Variants in COL28A1 observed in about 807,000 individuals in gnomAD.
COL28A1 encodes the protein collagen type XXVIII alpha 1 chain.
Under a neutral mutation model 150.2 loss-of-function variants are expected in COL28A1, and 161 were observed. The ratio of observed to expected loss-of-function variants is 1.07; its 90% CI spans 0.94 to 1.22. The LOEUF (loss-of-function observed/expected upper bound fraction) is 1.22, where lower values mean the gene tolerates loss of function less well. Ranked by LOEUF, COL28A1 falls within the 50% of genes most tolerant of loss-of-function variation. COL28A1 has a pLI of 0.00. For missense variants in COL28A1, 1,617 were observed against 1,388.3 expected (o/e 1.16, Z -2.62); for synonymous variants, 552 against 469.7 (o/e 1.18, Z -2.26).
intron 15 of COL28A1, among the ~76,000 whole-genome samples, chr7:7,459,090 C>G (rs545429344): frequency 6.6e-6 from 1 of 152,164 alleles, no homozygotes; most frequent in African/African-American, 2.4e-5. Context: ...ATTGAGGGAA[C>G]AGCAGATAAA....
Position 7,462,715 on chromosome 7 carries a change from C to T in COL28A1, c.1303-6603G>A, listed in dbSNP as rs192315023. Among the ~76,000 whole-genome samples, 51 of 152,088 alleles carry T rather than the reference C, an allele frequency of 3.4e-4. 3 individuals are homozygous for T. In the South Asian group the frequency reaches 8.7e-3, roughly 26 times the overall value. Reference sequence around the variant, plus strand: ...CTCTACTAAAAATACAAAAATTAGCCGGGCGTGGTGGCACATGCCTGTAAT... The same window carrying T: ...CTCTACTAAAAATACAAAAATTAGCTGGGCGTGGTGGCACATGCCTGTAAT... On this transcript the variant is annotated intron_variant, in intron 15 of 34. Transcript: ENST00000399429.
intron 11 of COL28A1, 98 bp downstream of exon 11, chr7:7,505,916 T>C (rs901530189): frequency 5.2e-6 from 4 of 776,014 alleles, no homozygotes; most frequent in Non-Finnish European, 9.3e-6. Context: ...AGGTACTTCC[T>C]CAAAGAATCC....
intron 15 of COL28A1, among the ~76,000 whole-genome samples, chr7:7,459,184 C>T (rs924049585): frequency 6.6e-6 from 1 of 152,206 alleles, no homozygotes; most frequent in African/African-American, 2.4e-5. Context: ...TGCACCATGT[C>T]CCAACACCAC....
At chr7:7,351,732 A>T (rs1049318658), downstream of COL28A1, among the ~76,000 whole-genome samples, 7 of 152,086 alleles carry the variant, frequency 4.6e-5, no homozygotes, top group African/African-American at 1.7e-4. Context: ...TTAAAAATTA[A>T]AAAAACAAAA....
In COL28A1 at chr7:7,373,278, G is replaced by T. The variant is rs200187834; in HGVS notation, c.2628C>A (p.Tyr876Ter). 2 of 1,614,168 alleles carry T rather than the reference G, an allele frequency of 1.2e-6. No homozygotes were observed. Among genetic ancestry groups the T allele is most frequent in the African/African-American group, 1.3e-5 (1 of 75,024 alleles). ...DNMQYLGEGT[Y>*]TATALQAAND... ...TGGCTGCTTGCAGAGCAGTGGCTGTGTATGTGCCTTCCCCCAGATACTGCA... is the reference window on the plus strand; with the variant it reads ...TGGCTGCTTGCAGAGCAGTGGCTGTTTATGTGCCTTCCCCCAGATACTGCA... Residue 876 changes from tyrosine to a stop codon, truncating the protein, a stop_gained, in exon 32 of 35, where the codon TAC becomes TAA. Transcript: ENST00000399429. LOFTEE classifies it high-confidence loss of function. This position sits in a 1 kb window ranked among gnomAD's most constrained non-coding sequence, Gnocchi z 4.1.
intron 27 of COL28A1, among the ~76,000 whole-genome samples, chr7:7,409,410 G>T (rs1482320114): frequency 6.6e-6 from 1 of 151,862 alleles, no homozygotes; most frequent in African/African-American, 2.4e-5. Flanking sequence ...GATATGAGTA[G>T]GTGGGTAGGA....
downstream of COL28A1, among the ~76,000 whole-genome samples, chr7:7,354,412 A>C (rs1193644701): frequency 1.3e-5 from 2 of 152,220 alleles, no homozygotes; most frequent in Admixed American, 6.5e-5. Flanking sequence ...GGCAAGTATC[A>C]AAGTATAGTG....
chr7:7,491,619 G>A (rs1311710671), intron 11 of COL28A1, among the ~76,000 whole-genome samples: 1 of 152,170 alleles, frequency 6.6e-6, no homozygotes, highest in Non-Finnish European at 1.5e-5. Flanking sequence ...TAGAATTCAG[G>A]CATTTTAGAA....
chr7:7,383,178 AATTCATATTTATC>A (rs1781960689), intron 27 of COL28A1, among the ~76,000 whole-genome samples: 1 of 151,880 alleles, frequency 6.6e-6, no homozygotes, highest in African/African-American at 2.4e-5. Flanking sequence ...CTCTATCTGA[AATTCATATTTATC>A]ATTCATATCC....
At chr7:7,523,361 T>C (rs950135640) in intron 4 of COL28A1, among the ~76,000 whole-genome samples, 8 of 151,978 alleles carry the variant, frequency 5.3e-5, no homozygotes, top group Admixed American at 1.3e-4. Flanking sequence ...GGTTTCAGCA[T>C]GTTGGCCAGG....
At chr7:7,534,648 T>C (rs549000421) in intron 1 of COL28A1, among the ~76,000 whole-genome samples, 1 of 152,160 alleles carries the variant, frequency 6.6e-6, no homozygotes, top group Non-Finnish European at 1.5e-5. Flanking sequence ...AAACCCTTCA[T>C]GTAAGGTTTT....
intron 9 of COL28A1, among the ~76,000 whole-genome samples, 185 bp from the exon 10 acceptor site, chr7:7,507,346 T>C (rs1303039882): frequency 6.6e-6 from 1 of 152,206 alleles, no homozygotes; most frequent in Non-Finnish European, 1.5e-5. Flanking sequence ...CAAACTTTCC[T>C]TCAGTAAACA....
chr7:7,511,716 C>A (rs1583540119), intron 8 of COL28A1: 2 of 470,156 alleles, frequency 4.3e-6, no homozygotes, highest in African/African-American at 2.0e-5. Context: ...GAGATTGCAT[C>A]GTGAGTTAGT....
At chr7:7,412,859 A>G (rs1562579514) in intron 27 of COL28A1, among the ~76,000 whole-genome samples, 1 of 152,118 alleles carries the variant, frequency 6.6e-6, no homozygotes, top group Non-Finnish European at 1.5e-5. Flanking sequence ...AAGATTAGTA[A>G]GCTGAGATTC....
At chr7:7,413,096 G>T (rs546114004) in intron 27 of COL28A1, among the ~76,000 whole-genome samples, 1 of 152,078 alleles carries the variant, frequency 6.6e-6, no homozygotes, top group Non-Finnish European at 1.5e-5. Context: ...GCCTGTGACT[G>T]TGTGACCACT....
At chr7:7,519,978 C>CT in intron 6 of COL28A1, 84 bp downstream of exon 6, 1 of 761,990 alleles carries the variant, frequency 1.3e-6, no homozygotes, top group South Asian at 1.7e-5. Flanking sequence ...TACTACAATG[C>CT]TTTTTATTTT....
Position 7,517,854 on chromosome 7 carries a change from A to G in COL28A1, c.814-17T>C. On this transcript the variant is annotated splice_polypyrimidine_tract_variant and intron_variant, in intron 6 of 34. Coordinates refer to ENST00000399429, the MANE Select transcript of COL28A1 (RefSeq NM_001037763.3). Reference sequence around the variant, plus strand: ...AGCGTTGCCCTGTGACAAACAAAAAACAGTAAAAATTCCACAGCCCTGAAG... The same window carrying G: ...AGCGTTGCCCTGTGACAAACAAAAAGCAGTAAAAATTCCACAGCCCTGAAG... The G allele has an allele frequency of 6.2e-7, 1 of 1,613,678 alleles. No individual in the cohort carries two copies. Among genetic ancestry groups the G allele is most frequent in the Non-Finnish European group, 8.5e-7 (1 of 1,179,646 alleles).
chr7:7,375,977 T>C (rs1781519487), intron 30 of COL28A1, among the ~76,000 whole-genome samples: 1 of 152,222 alleles, frequency 6.6e-6, no homozygotes, highest in South Asian at 2.1e-4. Context: ...TCTCTTCTTT[T>C]TCTGTACTAG....
At chr7:7,452,282 A>G (rs368854360) in intron 18 of COL28A1, 37 bp downstream of exon 18, 25 of 1,587,984 alleles carry the variant, frequency 1.6e-5, no homozygotes, top group African/African-American at 1.5e-4. Flanking sequence ...AATGTTACAT[A>G]AAGTATCATA....
Sources: gnomAD v4.1 joint callset for allele counts (sites outside exome capture counted in the v4.1 genomes callset) on GRCh38, gnomAD v4.1.1 for gene constraint, Gnocchi (gnomAD v3.1) non-coding constraint, MANE v1.5 for transcripts, NCBI Gene and HGNC (gene_info 2026-07-23, HGNC 2026-07-21) for gene names.